Variants in CAPN1 observed in about 807,000 individuals in gnomAD.
CAPN1 encodes calpain 1, also known as calpain-1 catalytic subunit.
Under a neutral mutation model 105.2 loss-of-function variants are expected in CAPN1, and 77 were observed. That is an observed-to-expected ratio of 0.73 (90% CI 0.61 to 0.88). The LOEUF (loss-of-function observed/expected upper bound fraction) is 0.88, where lower values mean the gene tolerates loss of function less well. Ranked by LOEUF, CAPN1 falls within the 40% of genes least tolerant of loss-of-function variation. The pLI is 0.00. For missense variants in CAPN1, 833 were observed against 976.6 expected (o/e 0.85, Z 1.96); for synonymous variants, 355 against 388.8 (o/e 0.91, Z 1.02).
In CAPN1 at chr11:65,211,398, G is replaced by T; in HGVS notation, c.*112G>T. 1 of 1,020,336 alleles carries T rather than the reference G, an allele frequency of 9.8e-7. No individual in the cohort carries two copies. The allele number at this position is 1,020,336 out of a possible 1,614,324, so 63.2% of individuals were successfully genotyped here. On this transcript the variant is annotated 3_prime_UTR_variant, in exon 22 of 22. Transcript: ENST00000279247. ...AGCTGCAAGTGCCTTCCTTGGAGCA[G>T]AGAGGCAGCCTCGTCCTCCTGTCCC...
intron 10 of CAPN1, 72 bp from the exon 11 acceptor site, chr11:65,204,611 C>G (rs1948922057): frequency 7.4e-7 from 1 of 1,353,722 alleles, no homozygotes; most frequent in Non-Finnish European, 1.0e-6. Context: ...CAGGGACGTG[C>G]TGAGGAGGCT....
In CAPN1 at chr11:65,204,983, C is replaced by A. The variant is rs1041739391; in HGVS notation, c.1341+125C>A. On this transcript the variant is annotated intron_variant, in intron 11 of 21. Coordinates refer to ENST00000279247, the MANE Select transcript of CAPN1 (RefSeq NM_005186.4). Reference sequence around the variant, plus strand: ...ACCATGCCCTTCCCCACAAATTCCCCTCCACTCCCCCCACCATCCTGAGGG... The same window carrying A: ...ACCATGCCCTTCCCCACAAATTCCCATCCACTCCCCCCACCATCCTGAGGG... The A allele has an allele frequency of 1.9e-5, 14 of 748,964 alleles. No individual in the cohort carries two copies. In the African/African-American group the frequency reaches 2.3e-4, roughly 12 times the overall value. 46.4% of individuals were successfully genotyped at this position (748,964 alleles called of 1,614,324 possible). A position where few individuals can be genotyped will look rare whatever the true frequency, so the allele number is the denominator to read the frequency against.
At chr11:65,197,884 A>C (rs1948813680) in intron 10 of CAPN1, among the ~76,000 whole-genome samples, 1 of 88,562 alleles carries the variant, frequency 1.1e-5, no homozygotes, top group African/African-American at 3.3e-5. Context: ...GCAAAACTCT[A>C]TCTGAAAAAA....
At chr11:65,191,519 C>G (rs929167429) in intron 10 of CAPN1, among the ~76,000 whole-genome samples, 1 of 152,168 alleles carries the variant, frequency 6.6e-6, no homozygotes, top group Non-Finnish European at 1.5e-5. Context: ...GCTGGGATTA[C>G]AGGCGTGCGG....
At chr11:65,182,406 C>G (rs1948551498) in intron 1 of CAPN1, 1 of 375,504 alleles carries the variant, frequency 2.7e-6, no homozygotes, top group African/African-American at 2.0e-5. Flanking sequence ...TCTGGAGGCT[C>G]CGCCCTGCCC....
intron 10 of CAPN1, among the ~76,000 whole-genome samples, chr11:65,203,142 A>G (rs1168844189): frequency 6.6e-6 from 1 of 151,798 alleles, no homozygotes; most frequent in Non-Finnish European, 1.5e-5. Context: ...TTGATGGATA[A>G]TTGGGTAGTT....
intron 10 of CAPN1, among the ~76,000 whole-genome samples, chr11:65,193,803 G>A (rs1273289820): frequency 6.6e-6 from 1 of 151,592 alleles, no homozygotes; most frequent in Non-Finnish European, 1.5e-5. Flanking sequence ...GTGATCCTAG[G>A]TCACTGCAGC....
At chr11:65,192,639 TC>T (rs1948733582) in intron 10 of CAPN1, among the ~76,000 whole-genome samples, 1 of 76,596 alleles carries the variant, frequency 1.3e-5, no homozygotes, top group Admixed American at 1.4e-4. Context: ...TCTTTTTCTT[TC>T]TTTTTTTTTT....
Position 65,186,027 on chromosome 11 carries a change from C to T in CAPN1, c.567C>T (p.Ala189=), listed in dbSNP as rs1157983547. 1 of 1,611,364 alleles carries T rather than the reference C, an allele frequency of 6.2e-7. No individual in the cohort carries two copies. Among genetic ancestry groups the T allele is most frequent in the African/African-American group, 1.3e-5 (1 of 74,944 alleles). Residue 189 remains alanine (A), a synonymous_variant, in exon 5 of 22, where the codon GCC becomes GCT. Coordinates refer to ENST00000279247, the MANE Select transcript of CAPN1 (RefSeq NM_005186.4). Reference sequence around the variant, plus strand: ...CCGAAGGCAACGAGTTCTGGAGCGCCCTGCTTGAGAAGGCCTATGCCAAGT... The same window carrying T: ...CCGAAGGCAACGAGTTCTGGAGCGCTCTGCTTGAGAAGGCCTATGCCAAGT... ...HSAEGNEFWS[A]LLEKAYAKVN... is the part of the protein sequence containing the mutation.
chr11:65,198,967 T>A (rs1948830121), intron 10 of CAPN1, among the ~76,000 whole-genome samples: 1 of 152,210 alleles, frequency 6.6e-6, no homozygotes, highest in Non-Finnish European at 1.5e-5. Context: ...CCCAAGTAGC[T>A]GGGATTCTAG....
rs1397724449 is a variant in CAPN1, at chr11:65,186,200, G to T, written c.621G>T (p.Gly207=). 5 of 1,613,528 alleles carry T rather than the reference G, an allele frequency of 3.1e-6. No individual in the cohort carries two copies. Among genetic ancestry groups the T allele is most frequent in the Non-Finnish European group, 4.2e-6 (5 of 1,179,730 alleles). The change falls in exon 6 of 22, where the codon GGG becomes GGT. Residue 207 remains glycine (G), a synonymous_variant. Transcript: ENST00000279247. ...ATGGCAGCTACGAGGCCCTGTCAGG[G>T]GGCAGCACCTCAGAGGGCTTTGAGG... is the stretch of plus-strand genomic sequence containing the variant. ...KVNGSYEALS[G]GSTSEGFEDF... is the part of the protein sequence containing the mutation.
chr11:65,183,274 C>T (rs1191907087), intron 3 of CAPN1, 77 bp downstream of exon 3: 6 of 1,382,786 alleles, frequency 4.3e-6, no homozygotes, highest in Non-Finnish European at 6.2e-6. Flanking sequence ...GGCTCTGCCC[C>T]AACCCCTCCC....
chr11:65,182,501 C>A (rs1948553594), intron 1 of CAPN1, 200 bp from the exon 2 acceptor site: 2 of 573,330 alleles, frequency 3.5e-6, no homozygotes, highest in Non-Finnish European at 3.0e-6. Context: ...CGCCTGGGAA[C>A]TGGGAAATCC....
At position 65,210,973 on chromosome 11, in the gene CAPN1, C is replaced by A; in HGVS notation, c.2118+101C>A. On this transcript the variant is annotated intron_variant, in intron 21 of 21. Coordinates refer to ENST00000279247, the MANE Select transcript of CAPN1 (RefSeq NM_005186.4). The surrounding 1 kb of genome is among the most constrained non-coding windows in gnomAD (Gnocchi z 4.3). ...GTCCTTTCCTGGAAATGAGCCTGGG[C>A]CTCAGAGCCAACCCTGAAGCCCGGG... The A allele has an allele frequency of 9.0e-7, 1 of 1,105,350 alleles. No individual in the cohort carries two copies. Among genetic ancestry groups the A allele is most frequent in the Non-Finnish European group, 1.4e-6 (1 of 721,632 alleles). 68.5% of individuals were successfully genotyped at this position (1,105,350 alleles called of 1,614,324 possible).
At chr11:65,199,923 G>A (rs910268158) in intron 10 of CAPN1, among the ~76,000 whole-genome samples, 5 of 152,090 alleles carry the variant, frequency 3.3e-5, no homozygotes, top group Admixed American at 6.6e-5. Flanking sequence ...CAGTTATCAC[G>A]CCTTGTTTGC....
intron 10 of CAPN1, among the ~76,000 whole-genome samples, chr11:65,198,466 C>T (rs1948822970): frequency 6.6e-6 from 1 of 152,104 alleles, no homozygotes. Context: ...ACTTTACCCT[C>T]CTCGTGAACA....
At chr11:65,187,572 G>A in intron 7 of CAPN1, 1 of 538,416 alleles carries the variant, frequency 1.9e-6, no homozygotes, top group East Asian at 3.2e-5. Flanking sequence ...GAGGATGAGG[G>A]TATGGGAGGC....
rs1949036437 is a variant in CAPN1, at chr11:65,210,764, A to C, written c.2060-50A>C. The C allele has an allele frequency of 5.4e-6, 8 of 1,481,120 alleles. No homozygotes were observed. Among genetic ancestry groups the C allele is most frequent in the Non-Finnish European group, 6.6e-6 (7 of 1,059,144 alleles). The allele number at this position is 1,481,120 out of a possible 1,614,324, so 91.7% of individuals were successfully genotyped here. On this transcript the variant is annotated intron_variant, in intron 20 of 21. Transcript: ENST00000279247. This position sits in a 1 kb window ranked among gnomAD's most constrained non-coding sequence, Gnocchi z 4.3. ...AGGGGGCCAGGCCTGGCCCTGCGTG[A>C]ATATCCCACTGAGTTTTCAGCCCTG...
intron 11 of CAPN1, among the ~76,000 whole-genome samples, chr11:65,205,098 G>A (rs895314086): frequency 2.0e-5 from 3 of 152,258 alleles, no homozygotes; most frequent in African/African-American, 7.2e-5. Context: ...GAGATTCTGG[G>A]ATTCACCTCA....
Sources: allele counts gnomAD v4.1 joint callset (sites outside exome capture counted in the v4.1 genomes callset), GRCh38; gene constraint gnomAD v4.1.1; non-coding constraint Gnocchi (gnomAD v3.1); transcripts MANE v1.5; gene names NCBI Gene and HGNC (gene_info 2026-07-23, HGNC 2026-07-21).